Variants in ERG observed in about 807,000 individuals in gnomAD.
ERG encodes transcriptional regulator ERG.
ERG carries 9 observed loss-of-function variants against 55.3 expected under a neutral mutation model. That is an observed-to-expected ratio of 0.16 (90% CI 0.10 to 0.28). The LOEUF (loss-of-function observed/expected upper bound fraction) is 0.28, where lower values mean the gene tolerates loss of function less well. Among genes scored for constraint, ERG ranks in the 10% least tolerant of loss-of-function variants. The pLI is 1.00. For synonymous variants in ERG, 223 were observed against 237.3 expected (o/e 0.94, Z 0.55); for missense variants, 434 against 631.6 (o/e 0.69, Z 3.35).
chr21:38,465,110 AT>A (rs1318839555), intron 1 of ERG, among the ~76,000 whole-genome samples: 4 of 152,114 alleles, frequency 2.6e-5, no homozygotes, highest in Non-Finnish European at 5.9e-5. Flanking sequence ...ACTCCAAATA[AT>A]TTGTCCTGTT....
upstream of ERG, among the ~76,000 whole-genome samples, chr21:38,586,888 C>T (rs1008461882): frequency 2.0e-5 from 3 of 152,190 alleles, no homozygotes; most frequent in South Asian, 6.2e-4. Flanking sequence ...TGGCATCAAC[C>T]TAAGTGTCCA....
At chr21:38,505,505 AATG>A (rs1298936574) in intron 2 of ERG, among the ~76,000 whole-genome samples, 4 of 152,194 alleles carry the variant, frequency 2.6e-5, no homozygotes, top group African/African-American at 4.8e-5. Flanking sequence ...CCTGAACTGA[AATG>A]ATGATATCAG....
chr21:38,530,634 A>G (rs2146770859), intron 2 of ERG, among the ~76,000 whole-genome samples: 1 of 152,270 alleles, frequency 6.6e-6, no homozygotes, highest in South Asian at 2.1e-4. Context: ...CTCTCAATCT[A>G]CCATCTACAT....
At chr21:38,535,475 A>G (rs2059702977) in intron 2 of ERG, among the ~76,000 whole-genome samples, 1 of 152,164 alleles carries the variant, frequency 6.6e-6, no homozygotes, top group Admixed American at 6.5e-5. Context: ...ATTTTATAGC[A>G]CCTATCACTT....
intron 1 of ERG, among the ~76,000 whole-genome samples, chr21:38,475,859 G>A (rs1241960168): frequency 1.3e-5 from 2 of 152,120 alleles, no homozygotes; most frequent in Non-Finnish European, 2.9e-5. Context: ...AGCCTAGTGG[G>A]TGCCCAGTAA....
intron 2 of ERG, among the ~76,000 whole-genome samples, chr21:38,536,157 C>T (rs1230816113): frequency 1.3e-5 from 2 of 151,942 alleles, no homozygotes; most frequent in South Asian, 2.1e-4. Context: ...GGTAAGTTAC[C>T]CCTAAAAATC....
intron 2 of ERG, among the ~76,000 whole-genome samples, chr21:38,509,129 G>T: frequency 6.6e-6 from 1 of 152,080 alleles, no homozygotes; most frequent in African/African-American, 2.4e-5. Flanking sequence ...TCAAGCCCTG[G>T]AACCATGAGA....
chr21:38,553,789 G>T (rs2146822041), intron 2 of ERG, among the ~76,000 whole-genome samples: 1 of 152,012 alleles, frequency 6.6e-6, no homozygotes. Context: ...TTTCATGACA[G>T]ACTCCAAAAG....
intron 1 of ERG, among the ~76,000 whole-genome samples, chr21:38,612,586 T>C (rs2060234171): frequency 6.6e-6 from 1 of 152,052 alleles, no homozygotes; most frequent in South Asian, 2.1e-4. Flanking sequence ...GCATTGTAAG[T>C]CTTCATGAAA....
intron 2 of ERG, among the ~76,000 whole-genome samples, chr21:38,519,434 T>A (rs1415315601): frequency 6.6e-6 from 1 of 152,110 alleles, no homozygotes. Flanking sequence ...CAATAGGAGC[T>A]GTGGCCTTCC....
chr21:38,488,031 GC>G (rs2059302846), intron 1 of ERG, among the ~76,000 whole-genome samples: 1 of 152,052 alleles, frequency 6.6e-6, no homozygotes, highest in East Asian at 1.9e-4. Context: ...TGCAATCTCT[GC>G]CCCCCACCTG....
At chr21:38,433,687 G>T in intron 2 of ERG, among the ~76,000 whole-genome samples, 1 of 152,094 alleles carries the variant, frequency 6.6e-6, no homozygotes, top group East Asian at 1.9e-4. Flanking sequence ...ATCCAAGAAC[G>T]GCACTGAATA....
At chr21:38,441,284 T>C (rs2058838819) in intron 2 of ERG, among the ~76,000 whole-genome samples, 1 of 152,206 alleles carries the variant, frequency 6.6e-6, no homozygotes, top group African/African-American at 2.4e-5. Flanking sequence ...ACTGAGGTTG[T>C]ACTGGGAAGG....
intron 1 of ERG, among the ~76,000 whole-genome samples, chr21:38,489,238 TA>T (rs2059314669): frequency 1.3e-5 from 2 of 152,196 alleles, no homozygotes; most frequent in African/African-American, 2.4e-5. Context: ...AACAAGGCTT[TA>T]AAAAATGTAT....
intron 2 of ERG, among the ~76,000 whole-genome samples, chr21:38,433,413 A>G (rs1990309672): frequency 1.3e-5 from 2 of 152,176 alleles, no homozygotes; most frequent in South Asian, 4.1e-4. Context: ...TCCATACATA[A>G]TACCCCTTAA....
At chr21:38,433,414 T>C (rs1423678776) in intron 2 of ERG, among the ~76,000 whole-genome samples, 1 of 152,100 alleles carries the variant, frequency 6.6e-6, no homozygotes, top group Non-Finnish European at 1.5e-5. Flanking sequence ...CCATACATAA[T>C]ACCCCTTAAA....
chr21:38,624,980 A>ATG (rs2060315744), intron 1 of ERG, among the ~76,000 whole-genome samples: 1 of 150,734 alleles, frequency 6.6e-6, no homozygotes, highest in South Asian at 2.1e-4. Flanking sequence ...GAATGAATAA[A>ATG]TGTATGAAAT....
intron 9 of ERG, among the ~76,000 whole-genome samples, chr21:38,390,708 C>A (rs1039625341): frequency 6.6e-6 from 1 of 152,230 alleles, no homozygotes; most frequent in African/African-American, 2.4e-5. Context: ...GCCTCCAGAA[C>A]TGCGAGACAA....
intron 1 of ERG, among the ~76,000 whole-genome samples, chr21:38,486,756 C>T (rs2059289039): frequency 6.6e-6 from 1 of 152,086 alleles, no homozygotes; most frequent in South Asian, 2.1e-4. Flanking sequence ...TGCCAGGTTG[C>T]CCAGGCTGAC....
Sources: gnomAD v4.1 joint callset for allele counts (sites outside exome capture counted in the v4.1 genomes callset) on GRCh38, gnomAD v4.1.1 for gene constraint, MANE v1.5 for transcripts, NCBI Gene and HGNC (gene_info 2026-07-23, HGNC 2026-07-21) for gene names.